The following DSCAM variants were observed in gnomAD, a reference collection of about 807,000 sequenced individuals.
DSCAM encodes the protein DS cell adhesion molecule.
Under a neutral mutation model 217.7 loss-of-function variants are expected in DSCAM, and 47 were observed. That is an observed-to-expected ratio of 0.22 (90% confidence interval 0.17 to 0.28). The LOEUF (loss-of-function observed/expected upper bound fraction) is 0.28. Among genes scored for constraint, DSCAM ranks in the 10% least tolerant of loss-of-function variants. The pLI is 1.00. For synonymous variants in DSCAM, 1,056 were observed against 1,015.3 expected, an observed-to-expected ratio of 1.04 and a Z score of -0.76; for missense variants, 2,080 against 2,618.3, an observed-to-expected ratio of 0.79 and a Z score of 4.49.
intron 10 of DSCAM, among the ~76,000 whole-genome samples, chr21:40,280,528 T>A (rs1035948898): frequency 3.3e-5 from 5 of 151,798 alleles, no homozygotes; most frequent in Admixed American, 6.6e-5. Context: ...AGTATAAGAG[T>A]GGTTGATTTT....
intron 15 of DSCAM, among the ~76,000 whole-genome samples, chr21:40,170,421 A>T (rs2090644277): frequency 6.6e-6 from 1 of 152,232 alleles, no homozygotes; most frequent in Non-Finnish European, 1.5e-5. Flanking sequence ...CCCTCTCCTC[A>T]GCAGGTCCAG....
At chr21:40,300,537 G>C (rs1315566591) in intron 9 of DSCAM, among the ~76,000 whole-genome samples, 1 of 152,146 alleles carries the variant, frequency 6.6e-6, no homozygotes, top group Non-Finnish European at 1.5e-5. Flanking sequence ...AAGGGGATGC[G>C]GCCCTCTCTT....
At position 40,806,384 on chromosome 21, in the gene DSCAM, G is replaced by T. The variant is rs577651460; in HGVS notation, c.43+40235C>A. Reference sequence around the variant, plus strand: ...CAAAAAAAAGTGTGTTGACCAATAAGCTCATTTCTGTGAGTTTACCTGACA... The same window carrying T: ...CAAAAAAAAGTGTGTTGACCAATAATCTCATTTCTGTGAGTTTACCTGACA... On this transcript the variant is annotated intron_variant, in intron 1 of 32. Coordinates refer to ENST00000400454, the MANE Select transcript of DSCAM (RefSeq NM_001389.5). 2.0e-5 allele frequency among the ~76,000 whole-genome samples: 3 copies of T among 152,216 alleles called. No homozygotes were observed. In the South Asian group the frequency reaches 6.2e-4, roughly 32 times the overall value.
chr21:40,393,806 A>T (rs1399655471), intron 3 of DSCAM, among the ~76,000 whole-genome samples: 1 of 152,202 alleles, frequency 6.6e-6, no homozygotes, highest in Non-Finnish European at 1.5e-5. Context: ...CTCAATGAAT[A>T]TTGTATGAAT....
intron 1 of DSCAM, among the ~76,000 whole-genome samples, chr21:40,770,011 C>A (rs1256699707): frequency 1.3e-5 from 2 of 152,300 alleles, no homozygotes; most frequent in East Asian, 3.9e-4. Flanking sequence ...AATGCAATTG[C>A]AGGGTCTCTA....
chr21:40,448,417 G>T (rs1290682194), intron 3 of DSCAM, among the ~76,000 whole-genome samples: 1 of 151,982 alleles, frequency 6.6e-6, no homozygotes, highest in Non-Finnish European at 1.5e-5. Flanking sequence ...TACACTAGTG[G>T]CCCCCCAGTT....
At chr21:40,217,623 T>G (rs2091255232) in intron 11 of DSCAM, among the ~76,000 whole-genome samples, 1 of 152,192 alleles carries the variant, frequency 6.6e-6, no homozygotes, top group Non-Finnish European at 1.5e-5. Context: ...CCACCAATAG[T>G]GTATAAGCAT....
chr21:40,781,546 T>C (rs1203776136), intron 1 of DSCAM, among the ~76,000 whole-genome samples: 1 of 152,172 alleles, frequency 6.6e-6, no homozygotes, highest in Non-Finnish European at 1.5e-5. Flanking sequence ...AAAACTGAAG[T>C]ATACAACCTT....
At chr21:40,061,155 A>T (rs1013831235) in intron 28 of DSCAM, among the ~76,000 whole-genome samples, 1 of 152,288 alleles carries the variant, frequency 6.6e-6, no homozygotes, top group African/African-American at 2.4e-5. Context: ...AGGTCTTTTC[A>T]TTCCCATCAA....
intron 32 of DSCAM, among the ~76,000 whole-genome samples, chr21:40,020,226 T>C (rs1449626158): frequency 1.3e-5 from 2 of 152,150 alleles, no homozygotes; most frequent in African/African-American, 4.8e-5. Context: ...CCTGCCACCA[T>C]ATAAGATGTG....
intron 11 of DSCAM, among the ~76,000 whole-genome samples, chr21:40,273,128 T>C (rs2073641562): frequency 1.3e-5 from 2 of 152,194 alleles, no homozygotes; most frequent in Admixed American, 6.5e-5. Context: ...GCCATCAATA[T>C]ACATTTTCTC....
At chr21:40,346,244 C>T (rs2074556228) in intron 6 of DSCAM, among the ~76,000 whole-genome samples, 1 of 152,214 alleles carries the variant, frequency 6.6e-6, no homozygotes, top group Non-Finnish European at 1.5e-5. Flanking sequence ...AACACAGTGT[C>T]AGGCATTTAA....
intron 3 of DSCAM, among the ~76,000 whole-genome samples, chr21:40,501,816 T>C (rs2076172134): frequency 6.6e-6 from 1 of 152,202 alleles, no homozygotes; most frequent in Non-Finnish European, 1.5e-5. Context: ...GGTCCGGAAC[T>C]CCCGACCTCA....
rs1852736295 is a variant in DSCAM, at chr21:40,016,649, G to C, written c.5687-3263C>G. On this transcript the variant is annotated intron_variant, in intron 32 of 32. Transcript: ENST00000400454. This position sits in a 1 kb window ranked among gnomAD's most constrained non-coding sequence, Gnocchi z 4.3. ...CCCTTTGGACCCATAGGCCCCGAAGGTGCAGGCTGAGGGGATCTGAGACCA... is the reference window on the plus strand; with the variant it reads ...CCCTTTGGACCCATAGGCCCCGAAGCTGCAGGCTGAGGGGATCTGAGACCA... 6.6e-6 allele frequency among the ~76,000 whole-genome samples: 1 copy of C among 152,174 alleles called. No homozygotes were observed. The highest frequency in any genetic ancestry group is 2.1e-4 in the South Asian group (1 of 4,834).
intron 16 of DSCAM, among the ~76,000 whole-genome samples, chr21:40,155,814 T>C (rs556513483): frequency 3.3e-5 from 5 of 152,092 alleles, no homozygotes; most frequent in African/African-American, 1.2e-4. Context: ...TGGGTCTGCA[T>C]GCTCTGGAGG....
intron 2 of DSCAM, among the ~76,000 whole-genome samples, chr21:40,703,737 G>A (rs911944143): frequency 9.2e-5 from 14 of 152,228 alleles, no homozygotes; most frequent in Admixed American, 6.5e-4. Flanking sequence ...GGTTTGTTGA[G>A]CTCCTTGGAT....
chr21:40,446,188 G>A (rs1601650476), intron 3 of DSCAM, among the ~76,000 whole-genome samples: 2 of 152,278 alleles, frequency 1.3e-5, no homozygotes, highest in African/African-American at 2.4e-5. Context: ...AACCATATTA[G>A]TTATTTAGGT....
chr21:40,756,912 C>T (rs1477935400), intron 1 of DSCAM, among the ~76,000 whole-genome samples: 1 of 151,816 alleles, frequency 6.6e-6, no homozygotes, highest in Non-Finnish European at 1.5e-5. Context: ...ACTCCCAAGT[C>T]TGTGCGATTT....
chr21:40,170,102 C>T (rs2090639677), intron 15 of DSCAM, among the ~76,000 whole-genome samples: 1 of 152,214 alleles, frequency 6.6e-6, no homozygotes, highest in African/African-American at 2.4e-5. Flanking sequence ...CGCGCACTCC[C>T]TATGCACCCT....
Sources: allele counts gnomAD v4.1 joint callset (sites outside exome capture counted in the v4.1 genomes callset), GRCh38; gene constraint gnomAD v4.1.1; non-coding constraint Gnocchi (gnomAD v3.1); transcripts MANE v1.5; gene names NCBI Gene and HGNC (gene_info 2026-07-23, HGNC 2026-07-21).